FAM193A: variants seen among roughly 807,000 people sequenced by gnomAD.
The protein encoded by FAM193A is family with sequence similarity 193 member A.
A neutral mutation model predicts 126.5 loss-of-function variants in FAM193A; 22 were observed. The ratio of observed to expected loss-of-function variants is 0.17; its 90% CI spans 0.12 to 0.25. The LOEUF is 0.25. Ranked by LOEUF, FAM193A falls within the 10% of genes least tolerant of loss-of-function variation. The pLI is 1.00. For synonymous variants in FAM193A, 761 were observed against 646.8 expected (o/e 1.18, Z -2.68); for missense variants, 1,675 against 1,672.8 (o/e 1.00, Z -0.02).
chr4:2,705,907 A>G (rs965953295), intron 19 of FAM193A, among the ~76,000 whole-genome samples: 2 of 152,118 alleles, frequency 1.3e-5, no homozygotes, highest in Non-Finnish European at 2.9e-5. Context: ...GTTATTAGAA[A>G]GTTCATCCTG....
intron 6 of FAM193A, among the ~76,000 whole-genome samples, chr4:2,642,197 G>A (rs941116705): frequency 6.6e-5 from 10 of 151,840 alleles, no homozygotes; most frequent in Non-Finnish European, 1.3e-4. Flanking sequence ...CCAGCTACCC[G>A]GGAGGCTGAG....
At chr4:2,560,953 C>T (rs1189918142) in intron 1 of FAM193A, among the ~76,000 whole-genome samples, 3 of 151,892 alleles carry the variant, frequency 2.0e-5, no homozygotes, top group Non-Finnish European at 4.4e-5. Context: ...GCACCTGGCT[C>T]CCTTTGAGCT....
At chr4:2,599,620 A>G (rs1156710466) in intron 2 of FAM193A, among the ~76,000 whole-genome samples, 1 of 152,128 alleles carries the variant, frequency 6.6e-6, no homozygotes, top group Non-Finnish European at 1.5e-5. Flanking sequence ...AGATTGACCC[A>G]TCCTAGCATC....
rs553115537 is a variant in FAM193A, at chr4:2,625,631, AAGAGCAGCCTCAGTGAATG to A, written c.635+241_635+259del. 4.8e-3 allele frequency: 1,730 copies of A among 357,558 alleles called. 16 individuals are homozygous for A. Among genetic ancestry groups the A allele is most frequent in the Non-Finnish European group, 4.7e-3 (948 of 199,730 alleles). The allele number at this position is 357,558 out of a possible 1,614,324, so 22.1% of individuals were successfully genotyped here. Reference sequence around the variant, plus strand: ...AGGAGTCCTTAAATAATCAGAATCTAAGAGCAGCCTCAGTGAATGAGAGGAGCGATGGGGGAGAGCCTGA... The same window carrying A: ...AGGAGTCCTTAAATAATCAGAATCTAAGAGGAGCGATGGGGGAGAGCCTGA... On this transcript the variant is annotated intron_variant, in intron 3 of 20. Transcript: ENST00000637812.
intron 19 of FAM193A, among the ~76,000 whole-genome samples, chr4:2,710,758 G>T (rs1718858557): frequency 6.6e-6 from 1 of 151,966 alleles, no homozygotes; most frequent in African/African-American, 2.4e-5. Flanking sequence ...GCCCACCTAG[G>T]CCTCCCAAAG....
At chr4:2,607,720 T>A (rs1346944570) in intron 2 of FAM193A, 1 of 339,228 alleles carries the variant, frequency 2.9e-6, no homozygotes, top group Non-Finnish European at 5.3e-6. Context: ...AGCATGGCCT[T>A]ACCCTCGCTG....
At chr4:2,701,972 T>G (rs1357371526) in intron 19 of FAM193A, among the ~76,000 whole-genome samples, 1 of 152,094 alleles carries the variant, frequency 6.6e-6, no homozygotes, top group African/African-American at 2.4e-5. Context: ...GGATTTCACC[T>G]TGTTGGTCAG....
intron 2 of FAM193A, among the ~76,000 whole-genome samples, chr4:2,601,864 A>C (rs1418333846): frequency 1.3e-5 from 2 of 152,056 alleles, no homozygotes; most frequent in Admixed American, 6.6e-5. Flanking sequence ...TTTAAGATAG[A>C]TTCTCGCTCT....
chr4:2,605,449 G>C (rs1243357973), intron 2 of FAM193A, among the ~76,000 whole-genome samples: 1 of 152,178 alleles, frequency 6.6e-6, no homozygotes, highest in Non-Finnish European at 1.5e-5. Flanking sequence ...ATGTTTGAGA[G>C]TCATAAATCT....
At chr4:2,624,420 A>AG in intron 2 of FAM193A, among the ~76,000 whole-genome samples, 1 of 152,336 alleles carries the variant, frequency 6.6e-6, no homozygotes. Flanking sequence ...CTGGGATTAT[A>AG]GGCGTGAGCC....
chr4:2,605,029 G>A (rs1346590249), intron 2 of FAM193A, among the ~76,000 whole-genome samples: 1 of 149,628 alleles, frequency 6.7e-6, no homozygotes, highest in East Asian at 2.0e-4. Flanking sequence ...GGCTGATCTT[G>A]AACTCCGGCG....
intron 20 of FAM193A, among the ~76,000 whole-genome samples, chr4:2,726,950 CA>C (rs35697253): frequency 0.13 from 13,041 of 103,862 alleles, 1,105 homozygotes; most frequent in African/African-American, 0.28. Context: ...AACTCCGTCC[CA>C]AAAAAAAAAA....
At chr4:2,609,814 A>T (rs1359812314) in intron 2 of FAM193A, among the ~76,000 whole-genome samples, 1 of 152,140 alleles carries the variant, frequency 6.6e-6, no homozygotes, top group Non-Finnish European at 1.5e-5. Context: ...CTGTAGTCCC[A>T]GCTACTCAGG....
At chr4:2,610,364 T>C (rs1218304542) in intron 2 of FAM193A, among the ~76,000 whole-genome samples, 2 of 152,248 alleles carry the variant, frequency 1.3e-5, no homozygotes, top group African/African-American at 4.8e-5. Context: ...AGTTTGCTAG[T>C]ATTGGTCCTT....
At chr4:2,543,513 G>A (rs552392322) in intron 1 of FAM193A, among the ~76,000 whole-genome samples, 37 of 151,868 alleles carry the variant, frequency 2.4e-4, no homozygotes, top group African/African-American at 8.7e-4. Context: ...CCTGGGTGAC[G>A]TGGAGAGACC....
chr4:2,717,136 C>T (rs144303930), intron 20 of FAM193A, among the ~76,000 whole-genome samples: 2,453 of 152,180 alleles, frequency 0.016, 24 homozygotes, highest in South Asian at 0.043. Context: ...CCTGCCACCA[C>T]GCCTGGCTAA....
chr4:2,578,158 C>T (rs764795420), intron 1 of FAM193A, among the ~76,000 whole-genome samples: 12 of 152,122 alleles, frequency 7.9e-5, no homozygotes, highest in African/African-American at 9.7e-5. Context: ...CTTGACTTCC[C>T]GGGCTTAAGC....
intron 19 of FAM193A, among the ~76,000 whole-genome samples, chr4:2,710,506 T>C (rs749050897): frequency 6.6e-6 from 1 of 151,576 alleles, no homozygotes; most frequent in Non-Finnish European, 1.5e-5. Context: ...CTTTCTTTTT[T>C]ATTTTTTATT....
At chr4:2,666,755 G>C (rs1713166078) in intron 12 of FAM193A, among the ~76,000 whole-genome samples, 1 of 152,028 alleles carries the variant, frequency 6.6e-6, no homozygotes. Flanking sequence ...GTCTTTGTAG[G>C]AATTTACTCA....
Sources: gnomAD v4.1 joint callset for allele counts (sites outside exome capture counted in the v4.1 genomes callset) on GRCh38, gnomAD v4.1.1 for gene constraint, MANE v1.5 for transcripts, NCBI Gene and HGNC (gene_info 2026-07-23, HGNC 2026-07-21) for gene names.